Variants in KLF12 observed in about 807,000 individuals in gnomAD.
The protein encoded by KLF12 is KLF transcription factor 12.
Under a neutral mutation model 37.8 loss-of-function variants are expected in KLF12, and 9 were observed. The observed-to-expected ratio is 0.24, with a 90% CI of 0.14 to 0.42. The LOEUF is 0.42. KLF12 is among the 10% of genes least tolerant of loss of function. The pLI, the probability that KLF12 is intolerant of heterozygous loss-of-function variation, is 1.00. For missense variants in KLF12, 411 were observed against 516.0 expected, an observed-to-expected ratio of 0.80 and a Z score of 1.97; for synonymous variants, 208 against 202.1, an observed-to-expected ratio of 1.03 and a Z score of -0.25.
At chr13:74,128,101 G>A (rs1878045829) in intron 1 of KLF12, among the ~76,000 whole-genome samples, 1 of 152,032 alleles carries the variant, frequency 6.6e-6, no homozygotes, top group South Asian at 2.1e-4. Context: ...AATTTCATGT[G>A]TTTTTCTTTT....
chr13:73,925,867 G>T (rs1004820580), intron 3 of KLF12, among the ~76,000 whole-genome samples: 2 of 152,082 alleles, frequency 1.3e-5, no homozygotes, highest in Admixed American at 6.6e-5. Context: ...AGACTTCAGC[G>T]GAGGAAGGAA....
intron 1 of KLF12, among the ~76,000 whole-genome samples, chr13:74,012,003 T>C (rs1458305788): frequency 2.0e-5 from 3 of 151,862 alleles, no homozygotes; most frequent in African/African-American, 7.2e-5. Flanking sequence ...ACTGGGAATT[T>C]TCCTGGCCTT....
Position 73,983,760 on chromosome 13 carries a change from T to C in KLF12, c.33+11230A>G, listed in dbSNP as rs201730908. On this transcript the variant is annotated intron_variant, in intron 2 of 7. Transcript: ENST00000377669. ...CCAGCCTGACTGGTCTATGGCATTA[T>C]AGACAGGCAGTCAAGATCCCAAATC... is the stretch of plus-strand genomic sequence containing the variant. 2.6e-5 allele frequency among the ~76,000 whole-genome samples: 4 copies of C among 152,290 alleles called. No homozygotes were observed. In the East Asian group the frequency reaches 5.8e-4, roughly 22 times the overall value.
chr13:73,819,567 CT>C (rs1326044387), intron 4 of KLF12, among the ~76,000 whole-genome samples: 1 of 142,180 alleles, frequency 7.0e-6, no homozygotes, highest in Non-Finnish European at 1.6e-5. Context: ...AGCAAGCAGT[CT>C]TCTGGCTGGA....
intron 1 of KLF12, among the ~76,000 whole-genome samples, chr13:74,088,259 G>A (rs1256576461): frequency 6.6e-6 from 1 of 151,902 alleles, no homozygotes; most frequent in African/African-American, 2.4e-5. Context: ...CTGATAAAAA[G>A]TGTGGCTATA....
chr13:73,876,642 C>A (rs188224488), intron 3 of KLF12, among the ~76,000 whole-genome samples: 1 of 152,178 alleles, frequency 6.6e-6, no homozygotes, highest in African/African-American at 2.4e-5. Flanking sequence ...TTACCTTATT[C>A]CTTTTCTTAT....
intron 6 of KLF12, among the ~76,000 whole-genome samples, chr13:73,719,423 C>CA (rs368511840): frequency 0.15 from 21,707 of 144,354 alleles, 2,021 homozygotes; most frequent in African/African-American, 0.27. Context: ...TGTGGGCATT[C>CA]AAAAAAAAAA....
chr13:73,825,697 G>C (rs1033231299), intron 4 of KLF12, among the ~76,000 whole-genome samples: 9 of 149,816 alleles, frequency 6.0e-5, no homozygotes, highest in African/African-American at 1.9e-4. Flanking sequence ...TGTAATATAA[G>C]GAAAACAGAT....
At chr13:74,110,855 A>G (rs1876929930) in intron 1 of KLF12, among the ~76,000 whole-genome samples, 1 of 152,186 alleles carries the variant, frequency 6.6e-6, no homozygotes, top group Non-Finnish European at 1.5e-5. Flanking sequence ...GCCCAAGAAG[A>G]CGTGATGTAT....
chr13:73,957,094 AGGAAAGGAAAGAAAG>A (rs1566481747), intron 2 of KLF12, among the ~76,000 whole-genome samples: 1 of 144,594 alleles, frequency 6.9e-6, no homozygotes, highest in African/African-American at 2.6e-5. Flanking sequence ...AGGAAAGGAA[AGGAAAGGAAAGAAAG>A]GAAAAGAAAG....
chr13:73,762,166 C>A (rs987986933), intron 6 of KLF12, among the ~76,000 whole-genome samples: 1 of 152,192 alleles, frequency 6.6e-6, no homozygotes, highest in Admixed American at 6.5e-5. Flanking sequence ...GAATCCACTC[C>A]AACATATGTC....
intron 7 of KLF12, among the ~76,000 whole-genome samples, chr13:73,706,002 A>G (rs1207887414): frequency 6.6e-6 from 1 of 152,114 alleles, no homozygotes; most frequent in Non-Finnish European, 1.5e-5. Flanking sequence ...AAATACAAAA[A>G]TTAGCTGGGC....
the KLF12 span, among the ~76,000 whole-genome samples, chr13:74,154,112 G>C: frequency 6.6e-6 from 1 of 151,676 alleles, no homozygotes; most frequent in African/African-American, 2.4e-5. Context: ...GCACGCACCT[G>C]TAGTCCCAGC....
At chr13:74,162,170 G>A in the KLF12 span, among the ~76,000 whole-genome samples, 2 of 152,190 alleles carry the variant, frequency 1.3e-5, no homozygotes, top group Admixed American at 1.3e-4. Context: ...TTGCAGCAAA[G>A]TTAGGACCAT....
At chr13:73,727,385 G>A (rs1683591597) in intron 6 of KLF12, among the ~76,000 whole-genome samples, 1 of 152,142 alleles carries the variant, frequency 6.6e-6, no homozygotes, top group Admixed American at 6.5e-5. Flanking sequence ...TATAAGAAAG[G>A]AAGGAGTCCA....
In KLF12 at chr13:73,810,982, CTTTTT is replaced by C. The variant is rs376490803; in HGVS notation, c.806+2165_806+2169del. Among the ~76,000 whole-genome samples the C allele has an allele frequency of 2.3e-3, 103 of 44,814 alleles. 1 individual carries two copies. The highest frequency in any genetic ancestry group is 7.6e-3 in the African/African-American group (90 of 11,870). 29.4% of individuals were successfully genotyped at this position (44,814 alleles called of 152,430 possible). A position where few individuals can be genotyped will look rare whatever the true frequency, so the allele number is the denominator to read the frequency against. ...ATGTTTATTTTTTTAATTTTTCTTT[CTTTTT>C]TTTTTTTTTTTTTTTTTTTTAGGAG... On this transcript the variant is annotated intron_variant, in intron 5 of 7. Coordinates refer to ENST00000377669, the MANE Select transcript of KLF12 (RefSeq NM_007249.5).
intron 1 of KLF12, among the ~76,000 whole-genome samples, chr13:74,094,756 C>T (rs563528950): frequency 8.5e-5 from 13 of 152,168 alleles, no homozygotes; most frequent in African/African-American, 2.4e-4. Flanking sequence ...CCCACCACCA[C>T]GCCCAGCTAA....
intron 7 of KLF12, among the ~76,000 whole-genome samples, chr13:73,707,670 A>G (rs529746606): frequency 6.6e-6 from 1 of 152,324 alleles, no homozygotes; most frequent in East Asian, 1.9e-4. Flanking sequence ...ATGTGAAGTC[A>G]TGAACAGCAG....
intron 2 of KLF12, among the ~76,000 whole-genome samples, chr13:73,966,430 T>C (rs537600660): frequency 2.0e-5 from 3 of 152,084 alleles, no homozygotes; most frequent in Admixed American, 6.6e-5. Context: ...AAATAAAAAG[T>C]ATCTGAAAGA....
Sources: allele counts gnomAD v4.1 joint callset (sites outside exome capture counted in the v4.1 genomes callset), GRCh38; gene constraint gnomAD v4.1.1; transcripts MANE v1.5; gene names NCBI Gene and HGNC (gene_info 2026-07-23, HGNC 2026-07-21).